SSBP4: variants seen among roughly 807,000 people sequenced by gnomAD.
SSBP4 encodes single-stranded DNA-binding protein 4.
SSBP4 carries 33 observed loss-of-function variants against 64.6 expected under a neutral mutation model. The observed-to-expected ratio is 0.51, with a 90% confidence interval of 0.39 to 0.68. The LOEUF is 0.68. Among genes scored for constraint, SSBP4 ranks in the 30% least tolerant of loss-of-function variants. SSBP4 has a pLI of 0.00. For missense variants in SSBP4, 583 were observed against 566.8 expected (o/e 1.03, Z -0.29); for synonymous variants, 243 against 224.0 (o/e 1.08, Z -0.76).
At chr19:18,424,974 C>G (rs1972741577) in intron 1 of SSBP4, among the ~76,000 whole-genome samples, 1 of 151,814 alleles carries the variant, frequency 6.6e-6, no homozygotes, top group Non-Finnish European at 1.5e-5. Flanking sequence ...ATAGCACCCT[C>G]TGGACAGCCC....
At chr19:18,429,900 G>C (rs1439828707) in intron 4 of SSBP4, among the ~76,000 whole-genome samples, 1 of 152,130 alleles carries the variant, frequency 6.6e-6, no homozygotes, top group Non-Finnish European at 1.5e-5. Context: ...GCCCCACAGG[G>C]GGAGGGAGGA....
At chr19:18,416,214 C>T (rs1482749875), upstream of SSBP4, among the ~76,000 whole-genome samples, 1 of 152,128 alleles carries the variant, frequency 6.6e-6, no homozygotes, top group Non-Finnish European at 1.5e-5. Flanking sequence ...GGGGTTTCAC[C>T]ATGTTGTTTA....
chr19:18,419,408 A>C lies in SSBP4; in HGVS notation c.-241A>C. 1.6e-5 allele frequency: 16 copies of C among 1,021,494 alleles called. No homozygotes were observed. Among genetic ancestry groups the C allele is most frequent in the Non-Finnish European group, 1.5e-5 (13 of 855,794 alleles). The allele number at this position is 1,021,494 out of a possible 1,614,324, so 63.3% of individuals were successfully genotyped here. ...AGGAGGGGAGCGCGCGTTTCCCGGA[A>C]CAGCCCGCGCGGAGGAAAGGGAGGA... On this transcript the variant is annotated 5_prime_UTR_variant, in exon 1 of 18. Transcript: ENST00000270061.
upstream of SSBP4, among the ~76,000 whole-genome samples, chr19:18,417,905 G>A (rs1246185783): frequency 2.0e-5 from 3 of 152,254 alleles, no homozygotes; most frequent in Non-Finnish European, 4.4e-5. This position sits in a 1 kb window ranked among gnomAD's most constrained non-coding sequence, Gnocchi z 5.4. Context: ...ACGTACTGGG[G>A]GGCGGCCTCT....
upstream of SSBP4, among the ~76,000 whole-genome samples, chr19:18,414,776 G>A (rs1223443277): frequency 6.6e-6 from 1 of 152,144 alleles, no homozygotes; most frequent in African/African-American, 2.4e-5. Context: ...GTCACCCGGA[G>A]TCCCTCGCAG....
intron 4 of SSBP4, among the ~76,000 whole-genome samples, chr19:18,430,510 C>A (rs978428564): frequency 6.6e-6 from 1 of 152,110 alleles, no homozygotes; most frequent in Non-Finnish European, 1.5e-5. Flanking sequence ...TTGAAACTGC[C>A]GGTATATTTG....
chr19:18,420,530 C>G (rs949260787), intron 1 of SSBP4, among the ~76,000 whole-genome samples: 7 of 151,938 alleles, frequency 4.6e-5, no homozygotes, highest in Admixed American at 6.6e-5. Context: ...GTGACCGTCC[C>G]GCAGGAAGGG....
chr19:18,418,384 C>G (rs1010844748), upstream of SSBP4, among the ~76,000 whole-genome samples: 1 of 152,230 alleles, frequency 6.6e-6, no homozygotes, highest in African/African-American at 2.4e-5. This position sits in a 1 kb window ranked among gnomAD's most constrained non-coding sequence, Gnocchi z 6.7. Context: ...CTGCGGGGGT[C>G]CCTGACTCAG....
At chr19:18,404,891 CA>C in the SSBP4 span, among the ~76,000 whole-genome samples, 250 of 44,564 alleles carry the variant, frequency 5.6e-3, no homozygotes, top group African/African-American at 0.015. Flanking sequence ...GACTCCATCT[CA>C]AAAAAAAAAA....
At chr19:18,433,838 C>T (rs1264485973) in intron 17 of SSBP4, 21 bp downstream of exon 17, 8 of 1,374,200 alleles carry the variant, frequency 5.8e-6, no homozygotes, top group Middle Eastern at 2.3e-4. Context: ...GCGTCGACTC[C>T]CCCCCCGCGG....
intron 4 of SSBP4, 74 bp downstream of exon 4, chr19:18,428,056 T>TGGGGGGGGGTTGGTGGGGG: frequency 2.3e-6 from 1 of 444,262 alleles, no homozygotes; most frequent in Non-Finnish European, 3.7e-6. Flanking sequence ...GGAGGTGGGG[T>TGGGGGGGGGTTGGTGGGGG]GGGGGGCTGC....
chr19:18,425,055 A>G (rs1972745722), intron 1 of SSBP4, among the ~76,000 whole-genome samples: 2 of 122,208 alleles, frequency 1.6e-5, no homozygotes, highest in Non-Finnish European at 3.4e-5. Context: ...CAGAGCTGGT[A>G]GCCGGGGGCG....
Position 18,432,684 on chromosome 19 carries a change from C to T in SSBP4, c.751-16C>T, listed in dbSNP as rs375537049. The T allele has an allele frequency of 3.2e-6, 5 of 1,566,636 alleles. No homozygotes were observed. The highest frequency in any genetic ancestry group is 3.5e-6 in the Non-Finnish European group (4 of 1,152,106). ...GAGCCGCCTGGCTGACTGCTCACAG[C>T]TGCCCTTGTCCCCAGATCCCCTACT... On this transcript the variant is annotated splice_polypyrimidine_tract_variant and intron_variant, in intron 11 of 17. Transcript: ENST00000270061.
At chr19:18,409,009 T>C in the SSBP4 span, among the ~76,000 whole-genome samples, 2 of 151,892 alleles carry the variant, frequency 1.3e-5, no homozygotes, top group Admixed American at 1.3e-4. Flanking sequence ...GATGAGGGTC[T>C]TGCTATGTTG....
chr19:18,408,191 C>T, the SSBP4 span, among the ~76,000 whole-genome samples: 1 of 152,240 alleles, frequency 6.6e-6, no homozygotes, highest in Non-Finnish European at 1.5e-5. Flanking sequence ...ACGCTGACCA[C>T]GGGAGGCCAC....
At chr19:18,419,875 G>C (rs555458958) in intron 1 of SSBP4, among the ~76,000 whole-genome samples, 168 bp downstream of exon 1, 303 of 114,802 alleles carry the variant, frequency 2.6e-3, no homozygotes, top group African/African-American at 9.1e-3. Context: ...AGGGGCACGA[G>C]ATTGGCGGGG....
chr19:18,409,187 C>CTTT, the SSBP4 span, among the ~76,000 whole-genome samples: 1 of 135,034 alleles, frequency 7.4e-6, no homozygotes, highest in East Asian at 2.1e-4. Context: ...AGTGGCCATT[C>CTTT]TTTTTTTTTT....
upstream of SSBP4, among the ~76,000 whole-genome samples, chr19:18,415,485 G>C (rs538949898): frequency 5.3e-5 from 8 of 152,240 alleles, no homozygotes; most frequent in Non-Finnish European, 4.4e-5. Context: ...CTGAGGACGG[G>C]ATGCGTTATT....
the SSBP4 span, among the ~76,000 whole-genome samples, chr19:18,406,316 CTAT>C: frequency 6.6e-6 from 1 of 150,688 alleles, no homozygotes; most frequent in Non-Finnish European, 1.5e-5. Context: ...CCATGCCCAG[CTAT>C]TATTATTATT....
Sources: gnomAD v4.1 joint callset for allele counts (sites outside exome capture counted in the v4.1 genomes callset) on GRCh38, gnomAD v4.1.1 for gene constraint, Gnocchi (gnomAD v3.1) non-coding constraint, MANE v1.5 for transcripts, NCBI Gene and HGNC (gene_info 2026-07-23, HGNC 2026-07-21) for gene names.